The following NTM variants were observed in gnomAD, a reference collection of about 807,000 sequenced individuals.
NTM encodes the protein neurotrimin, also known as IgLON family member 2.
NTM carries 13 observed loss-of-function variants against 42.1 expected under a neutral mutation model. The ratio of observed to expected loss-of-function variants is 0.31; its 90% CI spans 0.20 to 0.49. NTM has a LOEUF of 0.49. Among genes scored for constraint, NTM ranks in the 20% least tolerant of loss-of-function variants. The pLI is 0.99. For missense variants in NTM, 373 were observed against 452.8 expected (o/e 0.82, Z 1.60); for synonymous variants, 187 against 179.2 (o/e 1.04, Z -0.35).
Position 132,079,081 on chromosome 11 carries a change from A to G in NTM, c.168-67201A>G, listed in dbSNP as rs114337268. Among the ~76,000 whole-genome samples the G allele has an allele frequency of 5.0e-3, 764 of 152,288 alleles. 5 individuals carry two copies. Among genetic ancestry groups the G allele is most frequent in the African/African-American group, 0.018 (736 of 41,554 alleles). ...AGCGCGAGCCCACGGAAGACAAGCA[A>G]TGTGGTTCAGGGCCTGTGCTTCTGT... On this transcript the variant is annotated intron_variant, in intron 2 of 8. Transcript: ENST00000683400.
At chr11:132,104,581 C>CCCG (rs1555263080) in intron 2 of NTM, among the ~76,000 whole-genome samples, 2 of 141,660 alleles carry the variant, frequency 1.4e-5, no homozygotes, top group African/African-American at 5.5e-5. Context: ...GTGGGACCCC[C>CCCG]CCCCACCAAA....
At chr11:132,159,020 T>C (rs2073785147) in intron 3 of NTM, among the ~76,000 whole-genome samples, 1 of 152,172 alleles carries the variant, frequency 6.6e-6, no homozygotes, top group African/African-American at 2.4e-5. Flanking sequence ...TGGGGAATTA[T>C]AGGAAGGGTT....
intron 1 of NTM, among the ~76,000 whole-genome samples, chr11:131,695,823 A>G (rs1237842462): frequency 6.6e-6 from 1 of 152,138 alleles, no homozygotes; most frequent in Non-Finnish European, 1.5e-5. Flanking sequence ...TCCATTGAGG[A>G]AAGAGGCTCA....
chr11:131,850,694 AG>A (rs1457574067), intron 1 of NTM, among the ~76,000 whole-genome samples: 2 of 152,190 alleles, frequency 1.3e-5, no homozygotes, highest in Non-Finnish European at 2.9e-5. Context: ...CAATGTTCAA[AG>A]GGAGGTGACG....
chr11:132,247,879 C>G (rs1250805498), intron 4 of NTM, among the ~76,000 whole-genome samples: 2 of 152,120 alleles, frequency 1.3e-5, no homozygotes, highest in Non-Finnish European at 2.9e-5. Context: ...CATTTTACCC[C>G]CTGTGTATCT....
chr11:132,295,266 C>A (rs112382426), intron 4 of NTM, among the ~76,000 whole-genome samples: 4 of 151,160 alleles, frequency 2.6e-5, no homozygotes, highest in Non-Finnish European at 4.4e-5. Flanking sequence ...TATGATATAA[C>A]GATATCATAA....
chr11:132,030,632 T>G (rs1180975811), intron 2 of NTM, among the ~76,000 whole-genome samples: 1 of 152,156 alleles, frequency 6.6e-6, no homozygotes. Flanking sequence ...AGGGAAGCCA[T>G]TTGGATATTG....
chr11:131,789,539 GAAGAA>G (rs2090232963), intron 1 of NTM, among the ~76,000 whole-genome samples: 1 of 22,410 alleles, frequency 4.5e-5, no homozygotes, highest in African/African-American at 2.5e-4. Context: ...AGAAGAAGAA[GAAGAA>G]GAAAAGAAGA....
intron 2 of NTM, among the ~76,000 whole-genome samples, chr11:131,994,586 A>G (rs1487926224): frequency 6.6e-6 from 1 of 152,136 alleles, no homozygotes; most frequent in East Asian, 1.9e-4. Context: ...TGAGGGAAGC[A>G]ACTTCTTGTC....
At chr11:132,051,199 C>T (rs2078804295) in intron 2 of NTM, among the ~76,000 whole-genome samples, 1 of 152,162 alleles carries the variant, frequency 6.6e-6, no homozygotes, top group South Asian at 2.1e-4. Flanking sequence ...TTATTTGTAA[C>T]ATATGACGAT....
intron 1 of NTM, among the ~76,000 whole-genome samples, chr11:131,813,629 C>G (rs1314994237): frequency 3.9e-5 from 6 of 152,302 alleles, no homozygotes; most frequent in African/African-American, 1.4e-4. Context: ...TGGATGCAGA[C>G]AGCTCAGCCA....
intron 1 of NTM, among the ~76,000 whole-genome samples, chr11:131,512,420 T>A (rs543183231): frequency 2.0e-5 from 3 of 152,256 alleles, no homozygotes; most frequent in East Asian, 3.9e-4. Context: ...GGGGCTGTCC[T>A]CAAACCAGAG....
chr11:131,507,342 G>C (rs894373281), intron 1 of NTM, among the ~76,000 whole-genome samples: 2 of 151,090 alleles, frequency 1.3e-5, no homozygotes, highest in Non-Finnish European at 2.9e-5. Flanking sequence ...GTTTTTCTCA[G>C]GTTTGTCAAA....
chr11:131,450,799 A>G (rs1393850803), intron 1 of NTM, among the ~76,000 whole-genome samples: 1 of 152,252 alleles, frequency 6.6e-6, no homozygotes, highest in Non-Finnish European at 1.5e-5. Context: ...CCTCTAAATA[A>G]TTAAATTGAA....
chr11:131,698,644 G>A (rs1322259759), intron 1 of NTM, among the ~76,000 whole-genome samples: 2 of 152,180 alleles, frequency 1.3e-5, no homozygotes, highest in Non-Finnish European at 2.9e-5. Context: ...AGGAGGAGAA[G>A]GATAAGGAGT....
At chr11:132,175,470 C>T (rs2076668456) in intron 3 of NTM, among the ~76,000 whole-genome samples, 1 of 152,184 alleles carries the variant, frequency 6.6e-6, no homozygotes, top group African/African-American at 2.4e-5. Context: ...TGAAGAATAA[C>T]TCCTCTAGGT....
chr11:132,134,740 T>TGG (rs1566259855), intron 2 of NTM, among the ~76,000 whole-genome samples: 1 of 127,542 alleles, frequency 7.8e-6, no homozygotes, highest in Non-Finnish European at 1.7e-5. Context: ...TATATATATA[T>TGG]ATATATATAT....
rs566417228 is a variant in NTM at position 131,721,583 on chromosome 11, T to G, written c.83-189981T>G. Reference sequence around the variant, plus strand: ...TGAGTAGATTTGAGCTCCACGTCCATCTACCAGACTTGTGTGAATTTGGTC... The same window carrying G: ...TGAGTAGATTTGAGCTCCACGTCCAGCTACCAGACTTGTGTGAATTTGGTC... On this transcript the variant is annotated intron_variant, in intron 1 of 8. Coordinates refer to ENST00000683400, the MANE Select transcript of NTM (RefSeq NM_001352005.2). 1.3e-3 allele frequency among the ~76,000 whole-genome samples: 199 copies of G among 152,274 alleles called. 1 individual carries two copies. Among genetic ancestry groups the G allele is most frequent in the Admixed American group, 3.3e-3 (51 of 15,290 alleles).
intron 1 of NTM, among the ~76,000 whole-genome samples, chr11:131,648,071 A>G (rs369166916): frequency 4.6e-5 from 7 of 152,238 alleles, no homozygotes; most frequent in African/African-American, 1.4e-4. Flanking sequence ...ATGTGTTCTC[A>G]TCACTTAGCT....
Sources: gnomAD v4.1 joint callset for allele counts (sites outside exome capture counted in the v4.1 genomes callset) on GRCh38, gnomAD v4.1.1 for gene constraint, MANE v1.5 for transcripts, NCBI Gene and HGNC (gene_info 2026-07-23, HGNC 2026-07-21) for gene names.